ZNRF3: variants seen among roughly 807,000 people sequenced by gnomAD.
ZNRF3 encodes the protein zinc and ring finger 3, also known as E3 ubiquitin-protein ligase ZNRF3.
ZNRF3 carries 23 observed loss-of-function variants against 72.5 expected under a neutral mutation model. The ratio of observed to expected loss-of-function variants is 0.32; its 90% confidence interval spans 0.23 to 0.45. The LOEUF (loss-of-function observed/expected upper bound fraction) is 0.45, where lower values mean the gene tolerates loss of function less well. ZNRF3 is among the 20% of genes least tolerant of loss of function. The probability of loss-of-function intolerance (pLI) is 1.00; values close to 1 mark genes in which losing one functional copy is unlikely to be tolerated. For synonymous variants in ZNRF3, 610 were observed against 545.3 expected, an observed-to-expected ratio of 1.12 and a Z score of -1.65; for missense variants, 1,169 against 1,272.1, an observed-to-expected ratio of 0.92 and a Z score of 1.23.
At chr22:29,038,435 C>CA (rs1025202208) in intron 2 of ZNRF3, among the ~76,000 whole-genome samples, 1 of 151,518 alleles carries the variant, frequency 6.6e-6, no homozygotes, top group African/African-American at 2.4e-5. Context: ...CTCCTGGGCT[C>CA]AAGCAGTCTA....
intron 1 of ZNRF3, among the ~76,000 whole-genome samples, chr22:28,952,464 C>G (rs575545754): frequency 4.1e-5 from 6 of 147,006 alleles, no homozygotes; most frequent in Admixed American, 1.4e-4. Flanking sequence ...AGAACAGTTT[C>G]TTTCAGCAGA....
At chr22:29,034,442 T>G (rs1366538363) in intron 2 of ZNRF3, among the ~76,000 whole-genome samples, 5 of 152,194 alleles carry the variant, frequency 3.3e-5, no homozygotes. Flanking sequence ...TCCTCTCACC[T>G]TGACATACCA....
At chr22:28,938,623 A>G (rs1449213385) in intron 1 of ZNRF3, among the ~76,000 whole-genome samples, 1 of 152,200 alleles carries the variant, frequency 6.6e-6, no homozygotes, top group Non-Finnish European at 1.5e-5. Context: ...TTTGGGTGAC[A>G]TGAGCTGTTC....
chr22:28,914,495 CTTTTTTTTTTT>C (rs132544), intron 1 of ZNRF3, among the ~76,000 whole-genome samples: 7 of 125,976 alleles, frequency 5.6e-5, no homozygotes, highest in African/African-American at 2.1e-4. Context: ...TGACATAGAG[CTTTTTTTTTTT>C]TTTTTTTTTA....
Position 28,905,557 on chromosome 22 carries a change from A to AT in ZNRF3, c.300+21492dup, listed in dbSNP as rs1340300233. 2.0e-5 allele frequency among the ~76,000 whole-genome samples: 3 copies of AT among 152,344 alleles called. No homozygotes were observed. In the East Asian group the frequency reaches 5.8e-4, roughly 29 times the overall value. On this transcript the variant is annotated intron_variant, in intron 1 of 8. Coordinates refer to ENST00000544604, the MANE Select transcript of ZNRF3 (RefSeq NM_001206998.2). ...GGAAACTTTGTACCAATCAAAACAA[A>AT]TGATAGAACAGAGGATAGTGCTTCC...
intron 1 of ZNRF3, chr22:28,917,439 G>GTC: frequency 2.0e-6 from 2 of 985,422 alleles, no homozygotes; most frequent in Non-Finnish European, 2.4e-6. Context: ...CCTGTGTGGT[G>GTC]TCCACTTAAT....
intron 1 of ZNRF3, among the ~76,000 whole-genome samples, chr22:28,927,278 G>C (rs973233451): frequency 1.3e-5 from 2 of 151,972 alleles, no homozygotes. Flanking sequence ...TCAAAGCACC[G>C]GGCGTGGTGG....
At chr22:28,920,936 G>A (rs958584185) in intron 1 of ZNRF3, among the ~76,000 whole-genome samples, 2 of 152,176 alleles carry the variant, frequency 1.3e-5, no homozygotes, top group Non-Finnish European at 2.9e-5. Flanking sequence ...TGAGTGATTT[G>A]CCCCCAGTCA....
chr22:28,996,043 T>C (rs1182782339), intron 2 of ZNRF3, among the ~76,000 whole-genome samples: 1 of 152,244 alleles, frequency 6.6e-6, no homozygotes, highest in Non-Finnish European at 1.5e-5. Context: ...CCCAAAGTGC[T>C]GGGATTACAG....
chr22:28,893,742 C>G (rs968067633), intron 1 of ZNRF3, among the ~76,000 whole-genome samples: 12 of 152,232 alleles, frequency 7.9e-5, no homozygotes, highest in African/African-American at 2.9e-4. Context: ...AAGCAATTCA[C>G]CCGCCTTGGC....
chr22:29,014,860 C>T (rs191115485), intron 2 of ZNRF3, among the ~76,000 whole-genome samples: 2 of 152,338 alleles, frequency 1.3e-5, no homozygotes, highest in East Asian at 3.9e-4. Context: ...CTTTTCTCTG[C>T]ATAGGCTGCC....
chr22:28,956,418 G>T (rs1360470602), intron 1 of ZNRF3, among the ~76,000 whole-genome samples: 2 of 148,054 alleles, frequency 1.4e-5, no homozygotes, highest in Non-Finnish European at 3.0e-5. Context: ...CCCATCAAGG[G>T]CATCTCCTAA....
chr22:28,924,752 A>G (rs2034570507), intron 1 of ZNRF3, among the ~76,000 whole-genome samples: 1 of 152,068 alleles, frequency 6.6e-6, no homozygotes, highest in South Asian at 2.1e-4. Flanking sequence ...AATAATAATA[A>G]TAATAATTTT....
At chr22:29,040,412 C>T (rs1210391850) in intron 2 of ZNRF3, among the ~76,000 whole-genome samples, 1 of 152,116 alleles carries the variant, frequency 6.6e-6, no homozygotes, top group Non-Finnish European at 1.5e-5. Context: ...AACTCCTGAC[C>T]TCAGGTGATC....
intron 1 of ZNRF3, among the ~76,000 whole-genome samples, chr22:28,952,871 G>C (rs1376821007): frequency 1.3e-5 from 2 of 152,226 alleles, no homozygotes; most frequent in Non-Finnish European, 2.9e-5. Flanking sequence ...AGAGCCAGGA[G>C]TATTAACCTA....
At chr22:28,951,190 T>A (rs1038474212) in intron 1 of ZNRF3, among the ~76,000 whole-genome samples, 1 of 152,344 alleles carries the variant, frequency 6.6e-6, no homozygotes, top group South Asian at 2.1e-4. Flanking sequence ...TTTCAACCAC[T>A]AGTGGTTCTC....
At chr22:29,046,935 C>A (rs747538593) in intron 6 of ZNRF3, 52 bp downstream of exon 6, 3 of 1,440,768 alleles carry the variant, frequency 2.1e-6, no homozygotes, top group Non-Finnish European at 2.8e-6. Context: ...GGCAGGTCAG[C>A]AGAGGTGCCC....
chr22:28,902,175 G>C (rs2123753696), intron 1 of ZNRF3, among the ~76,000 whole-genome samples: 1 of 152,172 alleles, frequency 6.6e-6, no homozygotes, highest in South Asian at 2.1e-4. Flanking sequence ...GACCTCAGGT[G>C]ATCCACCTGC....
intron 1 of ZNRF3, among the ~76,000 whole-genome samples, chr22:28,939,389 T>A (rs1311174276): frequency 6.6e-6 from 1 of 152,152 alleles, no homozygotes; most frequent in Non-Finnish European, 1.5e-5. Flanking sequence ...TTAGTAAATA[T>A]GTACATATAA....
Sources: allele counts gnomAD v4.1 joint callset (sites outside exome capture counted in the v4.1 genomes callset), GRCh38; gene constraint gnomAD v4.1.1; transcripts MANE v1.5; gene names NCBI Gene and HGNC (gene_info 2026-07-23, HGNC 2026-07-21).